WDR72: variants seen among roughly 807,000 people sequenced by gnomAD.
WDR72 encodes the protein WD repeat domain 72, also known as WD repeat-containing protein 72.
In WDR72, 120 loss-of-function variants were observed where a neutral mutation model predicts 124.2. The observed-to-expected ratio is 0.97, with a 90% CI of 0.83 to 1.12. The LOEUF (loss-of-function observed/expected upper bound fraction) is 1.12. Among genes scored for constraint, WDR72 ranks in the 50% most tolerant of loss-of-function variants. WDR72 has a pLI of 0.00. For synonymous variants in WDR72, 452 were observed against 441.7 expected (o/e 1.02, Z -0.29); for missense variants, 1,387 against 1,278.8 (o/e 1.08, Z -1.29).
chr15:53,704,327 A>C (rs1331727770), intron 11 of WDR72, among the ~76,000 whole-genome samples: 1 of 152,150 alleles, frequency 6.6e-6, no homozygotes, highest in Non-Finnish European at 1.5e-5. Flanking sequence ...TGTAGAATAC[A>C]TTTTTATTTG....
At chr15:53,728,739 C>T (rs1022118160) in intron 2 of WDR72, among the ~76,000 whole-genome samples, 2 of 152,232 alleles carry the variant, frequency 1.3e-5, no homozygotes, top group African/African-American at 2.4e-5. Flanking sequence ...CCAGAAAACC[C>T]AAGTAAAGAA....
intron 2 of WDR72, among the ~76,000 whole-genome samples, chr15:53,731,895 A>T (rs1193356962): frequency 6.6e-6 from 1 of 152,222 alleles, no homozygotes; most frequent in Admixed American, 6.5e-5. Flanking sequence ...AAATATGAAG[A>T]TGCTAGAATT....
intron 17 of WDR72, among the ~76,000 whole-genome samples, chr15:53,597,925 G>T (rs1252954534): frequency 1.3e-5 from 2 of 152,076 alleles, no homozygotes; most frequent in African/African-American, 4.8e-5. Flanking sequence ...AAGAATCTGG[G>T]TCATGACACC....
chr15:53,748,848 A>T (rs2018706575), intron 1 of WDR72, among the ~76,000 whole-genome samples: 1 of 152,092 alleles, frequency 6.6e-6, no homozygotes, highest in Non-Finnish European at 1.5e-5. Context: ...TCTTCAACTG[A>T]TTTCTCTTCT....
At chr15:53,593,901 C>A (rs2012635745) in intron 18 of WDR72, among the ~76,000 whole-genome samples, 1 of 151,702 alleles carries the variant, frequency 6.6e-6, no homozygotes, top group Non-Finnish European at 1.5e-5. Flanking sequence ...TCAGGACAAA[C>A]CTAGCTAGTA....
At chr15:53,622,453 A>C (rs2140379008) in intron 14 of WDR72, among the ~76,000 whole-genome samples, 1 of 152,004 alleles carries the variant, frequency 6.6e-6, no homozygotes, top group Admixed American at 6.5e-5. Context: ...GCCATAAAAA[A>C]GAATGAGATG....
At chr15:53,711,070 G>C (rs900557123) in intron 8 of WDR72, 117 bp from the exon 9 acceptor site, 1 of 971,328 alleles carries the variant, frequency 1.0e-6, no homozygotes, top group Non-Finnish European at 1.6e-6. Flanking sequence ...ACTCTAGTTA[G>C]AAATTGTTGG....
intron 14 of WDR72, among the ~76,000 whole-genome samples, chr15:53,634,629 G>C (rs2014557834): frequency 6.6e-6 from 1 of 152,174 alleles, no homozygotes; most frequent in African/African-American, 2.4e-5. Context: ...CAAAGGACTA[G>C]GAAAAGGGGG....
At chr15:53,533,110 C>T (rs958286951) in intron 18 of WDR72, among the ~76,000 whole-genome samples, 4 of 151,972 alleles carry the variant, frequency 2.6e-5, no homozygotes, top group Admixed American at 2.6e-4. Context: ...ACCAAGTAAG[C>T]CCATGAGGAC....
chr15:53,639,520 A>ATTTATTTATAAAATTATATATAAT (rs2014759913), intron 14 of WDR72, among the ~76,000 whole-genome samples: 1 of 145,906 alleles, frequency 6.9e-6, no homozygotes, highest in Non-Finnish European at 1.5e-5. Flanking sequence ...ATATAATTTT[A>ATTTATTTATAAAATTATATATAAT]TTTATTTATA....
At chr15:53,715,515 G>T in intron 4 of WDR72, 148 bp from the exon 5 acceptor site, 1 of 928,372 alleles carries the variant, frequency 1.1e-6, no homozygotes, top group Non-Finnish European at 1.7e-6. Context: ...TCTTAGTTCA[G>T]TTATTCCAAA....
intron 13 of WDR72, among the ~76,000 whole-genome samples, chr15:53,697,304 G>C (rs8034872): frequency 0.045 from 6,770 of 152,088 alleles, 530 homozygotes; most frequent in African/African-American, 0.16. Context: ...TTGTGCACAG[G>C]GAGGCTGATG....
intron 1 of WDR72, among the ~76,000 whole-genome samples, chr15:53,755,617 T>C (rs2018880525): frequency 6.6e-6 from 1 of 152,230 alleles, no homozygotes; most frequent in South Asian, 2.1e-4. Context: ...ATAAAGCACC[T>C]ACTGTGTTCT....
chr15:53,711,622 A>G (rs2017541995), intron 7 of WDR72, 141 bp from the exon 8 acceptor site: 9 of 937,904 alleles, frequency 9.6e-6, no homozygotes, highest in Non-Finnish European at 1.5e-5. Flanking sequence ...TTAAGATGAT[A>G]TTTTACCATG....
At chr15:53,670,465 T>C (rs1387839775) in intron 13 of WDR72, among the ~76,000 whole-genome samples, 1 of 152,196 alleles carries the variant, frequency 6.6e-6, no homozygotes, top group African/African-American at 2.4e-5. Flanking sequence ...ATCAACTACA[T>C]GTAAAACCAG....
At chr15:53,619,641 A>G (rs1266559794) in intron 14 of WDR72, among the ~76,000 whole-genome samples, 1 of 151,978 alleles carries the variant, frequency 6.6e-6, no homozygotes, top group Non-Finnish European at 1.5e-5. Context: ...ATGCTGTGGT[A>G]TCCCATCCGA....
At chr15:53,707,232 G>T (rs1021686165) in intron 9 of WDR72, among the ~76,000 whole-genome samples, 3 of 152,134 alleles carry the variant, frequency 2.0e-5, no homozygotes, top group Non-Finnish European at 2.9e-5. Flanking sequence ...CTATTCATTA[G>T]TGATTATTAA....
At chr15:53,601,815 C>A (rs1354800884) in intron 17 of WDR72, among the ~76,000 whole-genome samples, 1 of 152,096 alleles carries the variant, frequency 6.6e-6, no homozygotes, top group Non-Finnish European at 1.5e-5. Flanking sequence ...ATAAATACAA[C>A]CAACACAGGA....
chr15:53,623,490 T>C (rs1267281153), intron 14 of WDR72, among the ~76,000 whole-genome samples: 1 of 150,896 alleles, frequency 6.6e-6, no homozygotes, highest in Non-Finnish European at 1.5e-5. Context: ...TATATATATA[T>C]ATATACACAC....
Sources: gnomAD v4.1 joint callset for allele counts (sites outside exome capture counted in the v4.1 genomes callset) on GRCh38, gnomAD v4.1.1 for gene constraint, MANE v1.5 for transcripts, NCBI Gene and HGNC (gene_info 2026-07-23, HGNC 2026-07-21) for gene names.